ASXL1: variants seen among roughly 807,000 people sequenced by gnomAD.
The protein encoded by ASXL1 is polycomb group protein ASXL1.
ASXL1 carries 65 observed loss-of-function variants against 89.1 expected under a neutral mutation model. The ratio of observed to expected loss-of-function variants is 0.73; its 90% CI spans 0.60 to 0.90. The LOEUF is 0.90. ASXL1 is among the 40% of genes least tolerant of loss of function. The pLI is 0.00. For missense variants in ASXL1, 1,786 were observed against 1,942.9 expected (o/e 0.92, Z 1.52); for synonymous variants, 739 against 746.9 (o/e 0.99, Z 0.17).
intron 4 of ASXL1, among the ~76,000 whole-genome samples, chr20:32,422,545 C>T (rs990770964): frequency 6.8e-6 from 1 of 146,028 alleles, no homozygotes; most frequent in African/African-American, 2.6e-5. Context: ...TCACACTCTC[C>T]CTCTCATGGT....
chr20:32,370,873 G>A (rs565345257), intron 4 of ASXL1, among the ~76,000 whole-genome samples: 2 of 151,312 alleles, frequency 1.3e-5, no homozygotes, highest in African/African-American at 4.9e-5. Context: ...CTTTGTGGTC[G>A]GCTGTGGTGG....
chr20:32,422,658 C>G (rs2011174616), intron 4 of ASXL1, among the ~76,000 whole-genome samples: 2 of 146,110 alleles, frequency 1.4e-5, no homozygotes, highest in African/African-American at 5.1e-5. Context: ...ATGATCTTGG[C>G]TCACTGCAAC....
rs386393629 is a variant in ASXL1, at chr20:32,369,718, C to CTTTTTTTTTT, written c.252+609_252+618dup. On this transcript the variant is annotated intron_variant, in intron 4 of 12. Coordinates refer to ENST00000375687, the MANE Select transcript of ASXL1 (RefSeq NM_015338.6). Reference sequence around the variant, plus strand: ...ACTATGGGGATAATTGCAGATGTGCCTTTTTTTTTTTTTTTTTTTTTTTAT... The same window carrying CTTTTTTTTTT: ...ACTATGGGGATAATTGCAGATGTGCCTTTTTTTTTTTTTTTTTTTTTTTTTTTTTTTTTAT... Among the ~76,000 whole-genome samples, 31 of 94,624 alleles carry CTTTTTTTTTT rather than the reference C, an allele frequency of 3.3e-4. 2 individuals carry two copies. Among genetic ancestry groups the CTTTTTTTTTT allele is most frequent in the East Asian group, 7.4e-4 (2 of 2,698 alleles). The allele number at this position is 94,624 out of a possible 152,430, so 62.1% of individuals were successfully genotyped here. A position where few individuals can be genotyped will look rare whatever the true frequency, so the allele number is the denominator to read the frequency against.
chr20:32,405,855 G>A (rs941520242), intron 4 of ASXL1, among the ~76,000 whole-genome samples: 13 of 151,840 alleles, frequency 8.6e-5, no homozygotes, highest in African/African-American at 3.1e-4. Flanking sequence ...TGATCACTTG[G>A]TTAAGGTAGC....
At chr20:32,423,746 A>G (rs1336924977) in intron 4 of ASXL1, among the ~76,000 whole-genome samples, 1 of 151,570 alleles carries the variant, frequency 6.6e-6, no homozygotes, top group Non-Finnish European at 1.5e-5. Context: ...TCAGGGTTTC[A>G]TTATGTTGGT....
intron 4 of ASXL1, among the ~76,000 whole-genome samples, chr20:32,375,239 G>A (rs1411157150): frequency 6.6e-6 from 1 of 152,110 alleles, no homozygotes; most frequent in Non-Finnish European, 1.5e-5. Context: ...GCTGAGTCGG[G>A]CGGATCACCT....
intron 4 of ASXL1, among the ~76,000 whole-genome samples, chr20:32,395,161 A>G (rs1040125963): frequency 3.9e-5 from 6 of 152,226 alleles, no homozygotes; most frequent in Non-Finnish European, 8.8e-5. Context: ...TCTTTCTGCC[A>G]GAGGACTTCC....
intron 4 of ASXL1, among the ~76,000 whole-genome samples, chr20:32,421,665 G>A (rs1163381791): frequency 1.3e-5 from 2 of 152,084 alleles, no homozygotes; most frequent in Non-Finnish European, 2.9e-5. Flanking sequence ...ATATTAGTCT[G>A]TAATAACAAA....
chr20:32,410,561 C>T (rs2049025592), intron 4 of ASXL1, among the ~76,000 whole-genome samples: 1 of 152,204 alleles, frequency 6.6e-6, no homozygotes, highest in African/African-American at 2.4e-5. Flanking sequence ...CCTTCTTTCT[C>T]TCTCAAAATA....
At chr20:32,427,928 T>G in intron 4 of ASXL1, 200 bp from the exon 5 acceptor site, 1 of 705,214 alleles carries the variant, frequency 1.4e-6, no homozygotes, top group Non-Finnish European at 2.3e-6. Context: ...AATGAATGTT[T>G]GAATGCAAAA....
intron 4 of ASXL1, among the ~76,000 whole-genome samples, chr20:32,395,020 G>T (rs1476056156): frequency 6.6e-6 from 1 of 152,042 alleles, no homozygotes; most frequent in Non-Finnish European, 1.5e-5. Flanking sequence ...GGCCTAAAAA[G>T]ATTTTAAAAG....
At chr20:32,424,148 T>C (rs752958347) in intron 4 of ASXL1, among the ~76,000 whole-genome samples, 1 of 152,222 alleles carries the variant, frequency 6.6e-6, no homozygotes, top group Admixed American at 6.5e-5. Flanking sequence ...CTAATTTTTC[T>C]TTTTCATTGT....
Position 32,437,374 on chromosome 20 carries a change from G to GT in ASXL1, c.*37dup, listed in dbSNP as rs781582467. ...CCATGGGAAACATTGTATATTTAGT[G>GT]TGTGTATTTTGATAATGATTGATCT... On this transcript the variant is annotated 3_prime_UTR_variant, in exon 13 of 13. Coordinates refer to ENST00000375687, the MANE Select transcript of ASXL1 (RefSeq NM_015338.6). 8.7e-6 allele frequency: 14 copies of GT among 1,600,930 alleles called. No homozygotes were observed. The highest frequency in any genetic ancestry group is 1.3e-5 in the African/African-American group (1 of 74,654).
intron 4 of ASXL1, among the ~76,000 whole-genome samples, chr20:32,416,588 C>A (rs1019187563): frequency 6.6e-6 from 1 of 152,012 alleles, no homozygotes; most frequent in African/African-American, 2.4e-5. Flanking sequence ...TTATCCAGTC[C>A]CCTGCTATGA....
At chr20:32,361,573 G>GGTT (rs1243404829) in intron 1 of ASXL1, among the ~76,000 whole-genome samples, 4 of 132,852 alleles carry the variant, frequency 3.0e-5, no homozygotes, top group Non-Finnish European at 6.4e-5. Context: ...GGGAGGTGGA[G>GGTT]GTTGCAGAGA....
chr20:32,413,914 G>C (rs1345406923), intron 4 of ASXL1, among the ~76,000 whole-genome samples: 2 of 152,154 alleles, frequency 1.3e-5, no homozygotes, highest in African/African-American at 2.4e-5. Flanking sequence ...CTAGAGAACA[G>C]GTGCCTAGGA....
In ASXL1 at chr20:32,429,606, T is replaced by C. The variant is rs2011457206; in HGVS notation, c.565+175T>C. 3 of 763,876 alleles carry C rather than the reference T, an allele frequency of 3.9e-6. No individual in the cohort carries two copies. In the South Asian group the frequency reaches 4.9e-5, roughly 12 times the overall value. 47.3% of individuals were successfully genotyped at this position (763,876 alleles called of 1,614,324 possible). On this transcript the variant is annotated intron_variant, in intron 7 of 12. Transcript: ENST00000375687. This position sits in a 1 kb window ranked among gnomAD's most constrained non-coding sequence, Gnocchi z 4.9. ...GGTTCTAGTGCTGGGCTCTGCTGTGTGCCTTCCTCTTTGTCTCCCAGGGCA... is the reference window on the plus strand; with the variant it reads ...GGTTCTAGTGCTGGGCTCTGCTGTGCGCCTTCCTCTTTGTCTCCCAGGGCA...
In ASXL1 at chr20:32,426,650, C is replaced by T. The variant is rs769723725; in HGVS notation, c.253-1478C>T. 2.0e-5 allele frequency among the ~76,000 whole-genome samples: 3 copies of T among 148,216 alleles called. No homozygotes were observed. The South Asian group carries it at 6.5e-4, about 32-fold the overall frequency. ...TCTCAGCTCACTGCATCCTCCACCT[C>T]CTGGGTTCAAGTGATTCCCCTGCCT... On this transcript the variant is annotated intron_variant, in intron 4 of 12. Transcript: ENST00000375687.
intron 4 of ASXL1, among the ~76,000 whole-genome samples, chr20:32,406,348 G>A (rs1245453753): frequency 6.6e-6 from 1 of 151,764 alleles, no homozygotes; most frequent in Non-Finnish European, 1.5e-5. Context: ...AGGCGTTCTA[G>A]ATCAGCCTGG....
Sources: allele counts gnomAD v4.1 joint callset (sites outside exome capture counted in the v4.1 genomes callset), GRCh38; gene constraint gnomAD v4.1.1; non-coding constraint Gnocchi (gnomAD v3.1); transcripts MANE v1.5; gene names NCBI Gene and HGNC (gene_info 2026-07-23, HGNC 2026-07-21).